Variants in MORC1 observed in about 807,000 individuals in gnomAD.
The protein encoded by MORC1 is MORC family CW-type zinc finger protein 1.
In MORC1, 59 loss-of-function variants were observed where a neutral mutation model predicts 134.9. The ratio of observed to expected loss-of-function variants is 0.44; its 90% CI spans 0.35 to 0.54. MORC1 has a LOEUF of 0.54. Among genes scored for constraint, MORC1 ranks in the 20% least tolerant of loss-of-function variants. The pLI, the probability that MORC1 is intolerant of heterozygous loss-of-function variation, is 0.00. For missense variants in MORC1, 947 were observed against 1,134.5 expected, an observed-to-expected ratio of 0.83 and a Z score of 2.37; for synonymous variants, 395 against 391.7, an observed-to-expected ratio of 1.01 and a Z score of -0.10.
At chr3:109,072,272 CT>C (rs1313262803) in intron 8 of MORC1, among the ~76,000 whole-genome samples, 1 of 152,200 alleles carries the variant, frequency 6.6e-6, no homozygotes. Flanking sequence ...ATCAGGCTTT[CT>C]TATCCCCAAG....
intron 8 of MORC1, among the ~76,000 whole-genome samples, chr3:109,078,821 C>A (rs965165781): frequency 1.3e-5 from 2 of 151,568 alleles, no homozygotes; most frequent in African/African-American, 4.8e-5. Flanking sequence ...AAAAAGTGAA[C>A]AAAATCTATC....
chr3:109,091,762 G>A (rs1950734853), intron 8 of MORC1, among the ~76,000 whole-genome samples: 1 of 152,020 alleles, frequency 6.6e-6, no homozygotes, highest in Admixed American at 6.5e-5. Flanking sequence ...GGCTTTTCTT[G>A]TGATTAAACT....
At chr3:108,994,100 G>A (rs1281837138) in intron 21 of MORC1, among the ~76,000 whole-genome samples, 3 of 152,078 alleles carry the variant, frequency 2.0e-5, no homozygotes, top group Non-Finnish European at 2.9e-5. Flanking sequence ...ACTGGTAAAT[G>A]ACTTGGCTCA....
At chr3:108,960,915 G>T (rs1947063630) in intron 27 of MORC1, among the ~76,000 whole-genome samples, 1 of 152,186 alleles carries the variant, frequency 6.6e-6, no homozygotes, top group Non-Finnish European at 1.5e-5. Flanking sequence ...TTTAGAGATG[G>T]ACTAAAAGGC....
intron 3 of MORC1, 130 bp from the exon 4 acceptor site, chr3:109,104,047 G>A: frequency 1.2e-6 from 1 of 801,146 alleles, no homozygotes; most frequent in South Asian, 1.6e-5. Flanking sequence ...GCACAAAGAT[G>A]GAGCCTAGAG....
chr3:109,033,095 T>G (rs564505286), intron 15 of MORC1, among the ~76,000 whole-genome samples: 69 of 149,448 alleles, frequency 4.6e-4, no homozygotes, highest in Middle Eastern at 7.0e-3. Flanking sequence ...AAATAATACA[T>G]CCACTTCACC....
intron 3 of MORC1, among the ~76,000 whole-genome samples, chr3:109,108,171 AGAGT>A (rs1297941955): frequency 2.0e-5 from 3 of 152,326 alleles, no homozygotes; most frequent in African/African-American, 7.2e-5. Flanking sequence ...CCTGGGCAAC[AGAGT>A]GAGACTCCAT....
At chr3:109,100,556 T>C (rs1178000637) in intron 4 of MORC1, 49 bp from the exon 5 acceptor site, 4 of 1,400,088 alleles carry the variant, frequency 2.9e-6, no homozygotes, top group Non-Finnish European at 4.1e-6. Flanking sequence ...TCTTTGACAC[T>C]GGCCTGAGGC....
chr3:109,009,205 TTG>T (rs1175608686), intron 17 of MORC1, among the ~76,000 whole-genome samples: 1,015 of 91,560 alleles, frequency 0.011, 44 homozygotes, highest in African/African-American at 0.036. Flanking sequence ...ACGTTTTTTG[TTG>T]TTTTTTTTTT....
chr3:108,998,550 A>G (rs1238694640), intron 21 of MORC1, among the ~76,000 whole-genome samples: 1 of 152,118 alleles, frequency 6.6e-6, no homozygotes, highest in African/African-American at 2.4e-5. Flanking sequence ...GAAATTTAAT[A>G]GACACAGGGG....
At chr3:108,998,217 A>G (rs547597310) in intron 21 of MORC1, among the ~76,000 whole-genome samples, 2 of 152,346 alleles carry the variant, frequency 1.3e-5, no homozygotes, top group Admixed American at 6.5e-5. Flanking sequence ...GCTTAAGTCA[A>G]TATGTGCCTT....
At chr3:109,103,786 A>T in intron 4 of MORC1, 63 bp downstream of exon 4, 2 of 1,403,814 alleles carry the variant, frequency 1.4e-6, no homozygotes, top group Non-Finnish European at 2.0e-6. Context: ...CAATTTATTT[A>T]TTTTGTAGGT....
At chr3:109,045,396 C>T (rs1949670990) in intron 14 of MORC1, among the ~76,000 whole-genome samples, 1 of 152,176 alleles carries the variant, frequency 6.6e-6, no homozygotes, top group African/African-American at 2.4e-5. Flanking sequence ...GATCGCTTAT[C>T]ATCTTTGTTC....
At chr3:108,963,777 T>C (rs1426476800) in intron 26 of MORC1, among the ~76,000 whole-genome samples, 169 bp from the exon 27 acceptor site, 1 of 152,200 alleles carries the variant, frequency 6.6e-6, no homozygotes, top group Non-Finnish European at 1.5e-5. Flanking sequence ...ACATACACTC[T>C]GATAGAAGAC....
chr3:109,014,187 T>G (rs1333483639), intron 17 of MORC1, among the ~76,000 whole-genome samples: 2 of 152,236 alleles, frequency 1.3e-5, no homozygotes, highest in African/African-American at 2.4e-5. Flanking sequence ...TAGCCATATT[T>G]ATACCAAAAG....
chr3:109,011,496 CTTA>C (rs755694899), intron 17 of MORC1, among the ~76,000 whole-genome samples: 13 of 148,776 alleles, frequency 8.7e-5, no homozygotes, highest in Non-Finnish European at 1.9e-4. Flanking sequence ...ACTGCATTGT[CTTA>C]TTATTGTTTT....
intron 8 of MORC1, among the ~76,000 whole-genome samples, chr3:109,070,766 A>G (rs971084115): frequency 1.3e-5 from 2 of 152,192 alleles, no homozygotes; most frequent in African/African-American, 4.8e-5. Flanking sequence ...CAGAGCTCCA[A>G]GGAATTTTCG....
At chr3:108,973,931 C>T (rs1263845922) in intron 24 of MORC1, among the ~76,000 whole-genome samples, 1 of 152,126 alleles carries the variant, frequency 6.6e-6, no homozygotes, top group Non-Finnish European at 1.5e-5. Context: ...TAGAATTGTG[C>T]TAAGCACTGC....
At chr3:109,057,525 A>G (rs1320915594) in intron 12 of MORC1, 39 bp from the exon 13 acceptor site, 1 of 1,506,154 alleles carries the variant, frequency 6.6e-7, no homozygotes, top group Admixed American at 2.0e-5. Flanking sequence ...GTTGTTTATT[A>G]AATAAACATA....
Sources: gnomAD v4.1 joint callset for allele counts (sites outside exome capture counted in the v4.1 genomes callset) on GRCh38, gnomAD v4.1.1 for gene constraint, MANE v1.5 for transcripts, NCBI Gene and HGNC (gene_info 2026-07-23, HGNC 2026-07-21) for gene names.